The following FARP1 variants were observed in gnomAD, a reference collection of about 807,000 sequenced individuals.
FARP1 encodes FERM, ARH/RhoGEF and pleckstrin domain protein 1.
A neutral mutation model predicts 128.8 loss-of-function variants in FARP1; 52 were observed. That is an observed-to-expected ratio of 0.40 (90% CI 0.32 to 0.51). FARP1 has a LOEUF of 0.51. Among genes scored for constraint, FARP1 ranks in the 20% least tolerant of loss-of-function variants. The pLI is 0.45. For synonymous variants in FARP1, 580 were observed against 551.8 expected, an observed-to-expected ratio of 1.05 and a Z score of -0.72; for missense variants, 1,333 against 1,367.9, an observed-to-expected ratio of 0.97 and a Z score of 0.40.
At chr13:98,144,752 T>A (rs1367762897) in intron 1 of FARP1, among the ~76,000 whole-genome samples, 7 of 152,372 alleles carry the variant, frequency 4.6e-5, no homozygotes, top group African/African-American at 1.7e-4. Flanking sequence ...TTTCTGGTCC[T>A]GAAAGCTTTA....
At chr13:98,156,088 A>G (rs1231921720) in intron 1 of FARP1, among the ~76,000 whole-genome samples, 1 of 152,240 alleles carries the variant, frequency 6.6e-6, no homozygotes, top group Non-Finnish European at 1.5e-5. Context: ...TTTAAAAATA[A>G]AAATAATACC....
intron 8 of FARP1, 110 bp downstream of exon 8, chr13:98,385,924 C>T (rs1355557490): frequency 4.5e-5 from 54 of 1,199,606 alleles, no homozygotes; most frequent in Admixed American, 3.7e-4. Context: ...GGTTATTTTT[C>T]GGCGAACAAA....
At chr13:98,420,466 T>A (rs1240619232) in intron 16 of FARP1, among the ~76,000 whole-genome samples, 6 of 152,192 alleles carry the variant, frequency 3.9e-5, no homozygotes, top group African/African-American at 1.4e-4. Flanking sequence ...CAGCTCACGT[T>A]GTGGTGAACG....
chr13:98,198,776 G>A (rs965459355), intron 1 of FARP1, among the ~76,000 whole-genome samples: 5 of 151,092 alleles, frequency 3.3e-5, no homozygotes, highest in Admixed American at 2.0e-4. Flanking sequence ...TACTAAGGAG[G>A]CCAAGGCATG....
At chr13:98,309,329 G>A (rs1259153824) in intron 2 of FARP1, among the ~76,000 whole-genome samples, 1 of 132,092 alleles carries the variant, frequency 7.6e-6, no homozygotes, top group Admixed American at 7.7e-5. Context: ...ATCACGCCCG[G>A]CTATTTTTTT....
chr13:98,181,187 C>G lies in FARP1; in HGVS notation c.-23-32033C>G, dbSNP rs1396416780. On this transcript the variant is annotated intron_variant, in intron 1 of 26. Transcript: ENST00000319562. ...TTCTCCCTGCTGGTTTAGGTCCACACATGCCTACTAAGTGAAGGAAAAAAT... is the reference window on the plus strand; with the variant it reads ...TTCTCCCTGCTGGTTTAGGTCCACAGATGCCTACTAAGTGAAGGAAAAAAT... 1.2e-4 allele frequency among the ~76,000 whole-genome samples: 19 copies of G among 152,248 alleles called. No homozygotes were observed. In the East Asian group the frequency reaches 3.3e-3, roughly 26 times the overall value.
chr13:98,365,033 C>G (rs1889026153), intron 3 of FARP1, among the ~76,000 whole-genome samples: 1 of 152,178 alleles, frequency 6.6e-6, no homozygotes, highest in South Asian at 2.1e-4. Context: ...TATTCTGTTT[C>G]AATAAGGAAT....
At chr13:98,405,663 C>T (rs573860086) in intron 13 of FARP1, 75 of 152,334 alleles carry the variant, frequency 4.9e-4, no homozygotes, top group Non-Finnish European at 8.8e-4. Flanking sequence ...TCCAGACTTT[C>T]GGTGTGTGAC....
At chr13:98,173,198 C>T (rs1463331605) in intron 1 of FARP1, among the ~76,000 whole-genome samples, 1 of 152,150 alleles carries the variant, frequency 6.6e-6, no homozygotes, top group Non-Finnish European at 1.5e-5. Flanking sequence ...GCCAGGAAAT[C>T]TCAGGTTTAA....
chr13:98,340,110 A>G (rs1185232339), intron 2 of FARP1, among the ~76,000 whole-genome samples: 2 of 151,366 alleles, frequency 1.3e-5, no homozygotes, highest in Non-Finnish European at 2.9e-5. Flanking sequence ...TGAGATTTCT[A>G]GTATTGAATT....
At chr13:98,422,967 C>T (rs567745888) in intron 16 of FARP1, among the ~76,000 whole-genome samples, 1 of 152,062 alleles carries the variant, frequency 6.6e-6, no homozygotes, top group Non-Finnish European at 1.5e-5. Flanking sequence ...AGGTGAGGTC[C>T]CACAATAGGC....
rs1398041531 is a variant in FARP1, at chr13:98,282,535, C to T, written c.172-61227C>T. ...TGATAAATGGTCTAAGATCAGTTCT[C>T]TCTCTAAGAACTCAAGGAATTATAA... On this transcript the variant is annotated intron_variant, in intron 2 of 26. Transcript: ENST00000319562. Among the ~76,000 whole-genome samples the T allele has an allele frequency of 2.6e-5, 4 of 152,242 alleles. No individual in the cohort carries two copies. In the East Asian group the frequency reaches 5.8e-4, roughly 22 times the overall value.
intron 2 of FARP1, among the ~76,000 whole-genome samples, chr13:98,319,611 C>G (rs1469350541): frequency 6.6e-6 from 1 of 152,166 alleles, no homozygotes; most frequent in Non-Finnish European, 1.5e-5. Flanking sequence ...CAGAGCAAGA[C>G]TCTGTCTCAG....
intron 17 of FARP1, among the ~76,000 whole-genome samples, chr13:98,429,803 C>T (rs1254281458): frequency 1.3e-5 from 2 of 152,354 alleles, no homozygotes; most frequent in Non-Finnish European, 2.9e-5. Flanking sequence ...ATTTTCCTCT[C>T]TGACTTGGGC....
chr13:98,363,566 T>C (rs632088), intron 3 of FARP1, among the ~76,000 whole-genome samples: 13,709 of 152,066 alleles, frequency 0.09, 1,670 homozygotes, highest in African/African-American at 0.28. Context: ...GCAGTATTCC[T>C]CTGCCTGAAT....
At chr13:98,245,650 A>C (rs541150629) in intron 2 of FARP1, among the ~76,000 whole-genome samples, 2 of 152,350 alleles carry the variant, frequency 1.3e-5, no homozygotes, top group African/African-American at 4.8e-5. Context: ...TAATAGAACT[A>C]TTCTTTAGAA....
chr13:98,361,434 A>G (rs186621856), intron 3 of FARP1, among the ~76,000 whole-genome samples: 1 of 152,318 alleles, frequency 6.6e-6, no homozygotes, highest in African/African-American at 2.4e-5. Context: ...GATGTTTAAA[A>G]ACAATTCATA....
chr13:98,391,326 T>C (rs1483329834), intron 11 of FARP1, among the ~76,000 whole-genome samples: 1 of 152,346 alleles, frequency 6.6e-6, no homozygotes, highest in East Asian at 1.9e-4. Flanking sequence ...TTGCCCAGGC[T>C]GGAGTGCAGT....
intron 2 of FARP1, among the ~76,000 whole-genome samples, chr13:98,286,092 C>A (rs928728359): frequency 3.3e-5 from 5 of 152,158 alleles, no homozygotes; most frequent in Admixed American, 1.3e-4. Context: ...TCGCTTAGAA[C>A]CCCTGGCCTC....
Sources: allele counts gnomAD v4.1 joint callset (sites outside exome capture counted in the v4.1 genomes callset), GRCh38; gene constraint gnomAD v4.1.1; transcripts MANE v1.5; gene names NCBI Gene and HGNC (gene_info 2026-07-23, HGNC 2026-07-21).